The following KCP variants were observed in gnomAD, a reference collection of about 807,000 sequenced individuals.
KCP encodes the protein kielin/chordin-like protein.
In KCP, 194 loss-of-function variants were observed where a neutral mutation model predicts 212.7. The observed-to-expected ratio is 0.91, with a 90% CI of 0.81 to 1.03. The LOEUF (loss-of-function observed/expected upper bound fraction) is 1.03. Among genes scored for constraint, KCP ranks in the 50% least tolerant of loss-of-function variants. KCP has a pLI of 0.00. For synonymous variants in KCP, 833 were observed against 865.3 expected (o/e 0.96, Z 0.65); for missense variants, 2,080 against 2,162.5 (o/e 0.96, Z 0.76).
intron 20 of KCP, 48 bp downstream of exon 20, chr7:128,890,856 CG>C: frequency 1.0e-5 from 12 of 1,204,980 alleles, no homozygotes; most frequent in Non-Finnish European, 1.2e-5. Flanking sequence ...CGGGGCGGGG[CG>C]GGGCGGCAGG....
Position 128,890,466 on chromosome 7 carries a change from A to G in KCP, c.2212T>C (p.Ser738Pro). 6.4e-7 allele frequency: 1 copy of G among 1,550,740 alleles called. No homozygotes were observed. Among genetic ancestry groups the G allele is most frequent in the Non-Finnish European group, 8.7e-7 (1 of 1,146,908 alleles). ...KEFASGERFP[S>P]PTAACHLCLC... ...CAGAGGTGGCAGGCAGCAGTGGGCG[A>G]TGGGAAGCGCTCCCCGCTGGCAAAC... The change falls in exon 21 of 40, where the codon TCG becomes CCG. Residue 738 changes from serine (S) to proline (P), a missense_variant. Coordinates refer to ENST00000610776, the MANE Select transcript of KCP (RefSeq NM_001366122.1).
At chr7:128,882,761 A>G (rs1396581950) in intron 29 of KCP, among the ~76,000 whole-genome samples, 1 of 128,420 alleles carries the variant, frequency 7.8e-6, no homozygotes, top group Non-Finnish European at 1.6e-5. Flanking sequence ...ATAAAAAACA[A>G]ACAAACAAAC....
chr7:128,883,733 G>A (rs1793470591), intron 29 of KCP, among the ~76,000 whole-genome samples: 1 of 152,214 alleles, frequency 6.6e-6, no homozygotes, highest in Non-Finnish European at 1.5e-5. Flanking sequence ...GCCTGCCTGG[G>A]CCTCACGTCT....
chr7:128,883,700 C>T (rs1210557266), intron 29 of KCP, among the ~76,000 whole-genome samples: 1 of 152,230 alleles, frequency 6.6e-6, no homozygotes, highest in East Asian at 1.9e-4. Flanking sequence ...AGCTCGCCCA[C>T]CCCTGTGGCT....
intron 15 of KCP, 40 bp from the exon 16 acceptor site, chr7:128,892,647 A>G: frequency 6.5e-7 from 1 of 1,550,022 alleles, no homozygotes; most frequent in Non-Finnish European, 8.7e-7. Context: ...GGGCATGCCC[A>G]GGAGGGGCTC....
Position 128,886,657 on chromosome 7 carries a change from G to C in KCP, c.2770C>G (p.Gln924Glu), listed in dbSNP as rs778511061. Residue 924 changes from glutamine to glutamate, a missense_variant and splice_region_variant, in exon 25 of 40, where the codon CAG becomes GAG. By Grantham distance (29) the Gln-to-Glu change is conservative. Coordinates refer to ENST00000610776, the MANE Select transcript of KCP (RefSeq NM_001366122.1). The stretch of plus-strand genomic sequence containing the variant: ...ACACCCCCCACCTCCTGCTATACCT[G>C]ACAGCGACACCACTCACAGCTGCCT... ...PAGSCEWCRC[Q>E]AGQVSCVRLQ... 3.2e-6 allele frequency: 5 copies of C among 1,551,356 alleles called. No homozygotes were observed. The highest frequency in any genetic ancestry group is 3.3e-4 in the Middle Eastern group (2 of 6,014).
At chr7:128,906,463 G>C in intron 4 of KCP, 100 bp from the exon 5 acceptor site, 4 of 839,698 alleles carry the variant, frequency 4.8e-6, no homozygotes, top group Non-Finnish European at 8.0e-6. Flanking sequence ...TGTCATAGGG[G>C]CAAGAGGATG....
chr7:128,907,329 G>C lies in KCP; in HGVS notation c.344C>G (p.Thr115Arg), dbSNP rs1465129058. Residue 115 changes from threonine (T) to arginine (R), a missense_variant, in exon 3 of 40, where the codon ACA becomes AGA. Thr to Arg is a moderately conservative substitution (Grantham distance 71). Transcript: ENST00000610776. ...EGARWEPDAC[T>R]ACVCQDGAAH... is the part of the protein sequence containing the mutation. ...GGCCCCATCCTGGCAGACGCAGGCT[G>C]TGCAGGCGTCAGGCTCCCAGCGTGC... 3 of 1,543,012 alleles carry C rather than the reference G, an allele frequency of 1.9e-6. No homozygotes were observed. The East Asian group carries it at 7.4e-5, about 38-fold the overall frequency.
chr7:128,910,551 G>C, intron 1 of KCP, 50 bp downstream of exon 1: 1 of 1,469,508 alleles, frequency 6.8e-7, no homozygotes, highest in Non-Finnish European at 9.0e-7. Flanking sequence ...GCTGATAGGA[G>C]GGAGGGGGCG....
chr7:128,908,743 G>A (rs1585264204), intron 1 of KCP, among the ~76,000 whole-genome samples, 175 bp from the exon 2 acceptor site: 1 of 152,270 alleles, frequency 6.6e-6, no homozygotes, highest in African/African-American at 2.4e-5. Flanking sequence ...AAACGCAGGG[G>A]AAGGCCACAG....
At position 128,891,535 on chromosome 7, in the gene KCP, T is replaced by TGGGG. The variant is rs1794135962; in HGVS notation, c.1796-6_1796-3dup. 1.3e-6 allele frequency: 2 copies of TGGGG among 1,548,020 alleles called. No homozygotes were observed. The highest frequency in any genetic ancestry group is 8.7e-7 in the Non-Finnish European group (1 of 1,145,276). ...ACTCTTTCCCGCCAAAGGCACAGCC[T>TGGGG]GGGGGAGGGAGGGGCTATAGCCTGG... On this transcript the variant is annotated splice_polypyrimidine_tract_variant and splice_region_variant and intron_variant, in intron 17 of 39. Coordinates refer to ENST00000610776, the MANE Select transcript of KCP (RefSeq NM_001366122.1).
In KCP at chr7:128,885,190, GACAC is replaced by G. The variant is rs1403129357; in HGVS notation, c.2943_2946del (p.Cys982ThrfsTer102). The G allele has an allele frequency of 2.6e-6, 4 of 1,550,874 alleles. No homozygotes were observed. Among genetic ancestry groups the G allele is most frequent in the East Asian group, 2.4e-5 (1 of 40,922 alleles). On this transcript the variant is annotated frameshift_variant, in exon 27 of 40. Transcript: ENST00000610776. LOFTEE classifies it high-confidence loss of function. ...CGTGCACAGGTGACGACGCCCTCGTGACACACACAGGAGGAGCAGGCACTGTCGG... is the reference window on the plus strand; with the variant it reads ...CGTGCACAGGTGACGACGCCCTCGTGACACAGGAGGAGCAGGCACTGTCGG...
chr7:128,885,036 G>A, intron 27 of KCP, 61 bp downstream of exon 27: 2 of 1,545,852 alleles, frequency 1.3e-6, no homozygotes, highest in East Asian at 2.4e-5. Flanking sequence ...AGCAGCGGCA[G>A]GGAGGTGTGG....
chr7:128,877,429 C>T lies in KCP; in HGVS notation c.4618+55G>A. On this transcript the variant is annotated intron_variant, in intron 39 of 39. Transcript: ENST00000610776. ...GTCCTGCCCTGAGCCCTCCGGGCTG[C>T]CCTTCTTCTCTGTGCTGAGCCTCCC... The T allele has an allele frequency of 1.9e-6, 3 of 1,539,614 alleles. No individual in the cohort carries two copies. The South Asian group carries it at 3.6e-5, about 19-fold the overall frequency.
chr7:128,893,383 CCGCCTACCTGG>C lies in KCP; in HGVS notation c.1182_1185+7del. The C allele has an allele frequency of 6.4e-7, 1 of 1,551,636 alleles. No individual in the cohort carries two copies. The highest frequency in any genetic ancestry group is 8.7e-7 in the Non-Finnish European group (1 of 1,146,936). On this transcript the variant is annotated splice_donor_variant and splice_donor_5th_base_variant and coding_sequence_variant and intron_variant, in exon 12 of 40. Coordinates refer to ENST00000610776, the MANE Select transcript of KCP (RefSeq NM_001366122.1). LOFTEE classifies it high-confidence loss of function. ...GCAGATCTGGGTGTGAGCGGAGGGA[CCGCCTACCTGG>C]CAGGAGCAGCGGACACAGAGGCCCC...
rs557081282 is a variant in KCP, at chr7:128,880,098, C to T, written c.3760-13G>A. On this transcript the variant is annotated splice_polypyrimidine_tract_variant and intron_variant, in intron 34 of 39. Coordinates refer to ENST00000610776, the MANE Select transcript of KCP (RefSeq NM_001366122.1). The stretch of plus-strand genomic sequence containing the variant: ...CAGGGGCCTTGTCCTGCACTCAGCC[C>T]CAGACACTGTCAGACACACCGCCCT... The T allele has an allele frequency of 1.6e-5, 25 of 1,521,168 alleles. 1 individual carries two copies. The South Asian group carries it at 2.7e-4, about 17-fold the overall frequency. The allele number at this position is 1,521,168 out of a possible 1,614,324, so 94.2% of individuals were successfully genotyped here.
rs999388250 is a variant in KCP at position 128,902,967 on chromosome 7, G to C, written c.749-108C>G. 5.0e-6 allele frequency: 4 copies of C among 807,176 alleles called. No homozygotes were observed. The Admixed American group carries it at 6.4e-5, about 13-fold the overall frequency. The allele number at this position is 807,176 out of a possible 1,614,324, so 50.0% of individuals were successfully genotyped here. A position where few individuals can be genotyped will look rare whatever the true frequency, so the allele number is the denominator to read the frequency against. Reference sequence around the variant, plus strand: ...ACATGCCCTCTGAGGGCTCTCTCCCGAGCCAAGACTAGATGGGGTCAGATC... The same window carrying C: ...ACATGCCCTCTGAGGGCTCTCTCCCCAGCCAAGACTAGATGGGGTCAGATC... On this transcript the variant is annotated intron_variant, in intron 7 of 39. Transcript: ENST00000610776.
In KCP at chr7:128,907,369, C is replaced by T; in HGVS notation, c.304G>A (p.Ala102Thr). 6.5e-7 allele frequency: 1 copy of T among 1,542,564 alleles called. No individual in the cohort carries two copies. Among genetic ancestry groups the T allele is most frequent in the Non-Finnish European group, 8.8e-7 (1 of 1,140,266 alleles). ...ASPQCWGLGR[A>T]WPEGARWEPD... ...TCCCAGCGTGCCCCCTCGGGCCAGG[C>T]ACGCCCCAGCCCCCAGCACTGGGGA... Residue 102 changes from alanine (A) to threonine (T), a missense_variant, in exon 3 of 40, where the codon GCC becomes ACC. Coordinates refer to ENST00000610776, the MANE Select transcript of KCP (RefSeq NM_001366122.1).
In KCP at chr7:128,880,660, G is replaced by A. The variant is rs1011363142; in HGVS notation, c.3575C>T (p.Ala1192Val). ...CQALSCPHGW[A>V]KVPQADSCCE... The stretch of plus-strand genomic sequence containing the variant: ...GCAGCTGTCAGCCTGGGGCACCTTC[G>A]CCCAGCCATGGGGGCAGGAGAGGGC... Residue 1192 changes from alanine to valine, a missense_variant, in exon 33 of 40, where the codon GCG becomes GTG. Physicochemically the swap from Ala to Val is moderately conservative, Grantham distance 64 (BLOSUM62 0). Transcript: ENST00000610776. The A allele has an allele frequency of 2.8e-5, 21 of 746,030 alleles. No individual in the cohort carries two copies. The highest frequency in any genetic ancestry group is 1.6e-4 in the African/African-American group (9 of 54,846). The allele number at this position is 746,030 out of a possible 1,614,324, so 46.2% of individuals were successfully genotyped here.
Sources: gnomAD v4.1 joint callset for allele counts (sites outside exome capture counted in the v4.1 genomes callset) on GRCh38, gnomAD v4.1.1 for gene constraint, MANE v1.5 for transcripts, NCBI Gene and HGNC (gene_info 2026-07-23, HGNC 2026-07-21) for gene names.